KALRN: variants seen among roughly 807,000 people sequenced by gnomAD.
The protein encoded by KALRN is kalirin.
Under a neutral mutation model 353.7 loss-of-function variants are expected in KALRN, and 70 were observed. The observed-to-expected ratio is 0.20, with a 90% CI of 0.16 to 0.24. KALRN has a LOEUF of 0.24. Among genes scored for constraint, KALRN ranks in the 10% least tolerant of loss-of-function variants. The pLI is 1.00. For synonymous variants in KALRN, 1,391 were observed against 1,434.8 expected, an observed-to-expected ratio of 0.97 and a Z score of 0.69; for missense variants, 2,791 against 3,756.7, an observed-to-expected ratio of 0.74 and a Z score of 6.72.
At chr3:124,655,070 T>C (rs576807623) in intron 38 of KALRN, among the ~76,000 whole-genome samples, 196 of 152,350 alleles carry the variant, frequency 1.3e-3, no homozygotes, top group Middle Eastern at 6.8e-3. Flanking sequence ...CCTATCTGAA[T>C]AATTGCAGCT....
intron 34 of KALRN, among the ~76,000 whole-genome samples, chr3:124,576,548 G>T (rs1389233114): frequency 6.6e-6 from 1 of 152,144 alleles, no homozygotes; most frequent in African/African-American, 2.4e-5. Flanking sequence ...GGGGACGTAT[G>T]GGTTAAGTAC....
intron 40 of KALRN, 36 bp from the exon 41 acceptor site, chr3:124,657,698 T>C (rs1204853311): frequency 2.0e-6 from 3 of 1,506,716 alleles, no homozygotes; most frequent in African/African-American, 1.4e-5. Context: ...TTCTGAATAA[T>C]GTGGCTTCCT....
At chr3:124,075,160 A>G (rs2060202292) in intron 1 of KALRN, among the ~76,000 whole-genome samples, 1 of 152,166 alleles carries the variant, frequency 6.6e-6, no homozygotes, top group East Asian at 1.9e-4. Context: ...ATATGAATGG[A>G]GGCTACATGG....
Position 124,330,244 on chromosome 3 carries a change from TCTCACA to T in KALRN, c.1416+254_1416+259del, listed in dbSNP as rs1404944321. 5.7e-4 allele frequency among the ~76,000 whole-genome samples: 55 copies of T among 96,250 alleles called. 1 individual carries two copies. The highest frequency in any genetic ancestry group is 4.1e-3 in the Admixed American group (36 of 8,744). The allele number at this position is 96,250 out of a possible 152,430, so 63.1% of individuals were successfully genotyped here. A position where few individuals can be genotyped will look rare whatever the true frequency, so the allele number is the denominator to read the frequency against. On this transcript the variant is annotated intron_variant, in intron 8 of 59. Transcript: ENST00000682506. ...CTCGCATTCATTCTCTCTCTCTCTC[TCTCACA>T]CACACACACACACACACACACACAC...
chr3:124,287,496 C>G (rs1261405704), intron 5 of KALRN, among the ~76,000 whole-genome samples: 3 of 151,412 alleles, frequency 2.0e-5, no homozygotes, highest in Admixed American at 1.3e-4. Context: ...CTTCTCCGCT[C>G]CACAGTTAGG....
chr3:124,702,548 C>T (rs960874435), intron 57 of KALRN, among the ~76,000 whole-genome samples: 3 of 152,026 alleles, frequency 2.0e-5, no homozygotes, highest in Non-Finnish European at 4.4e-5. Flanking sequence ...TTACTGATTT[C>T]TAACTTAATT....
intron 1 of KALRN, among the ~76,000 whole-genome samples, chr3:124,079,504 G>T (rs1443634815): frequency 1.3e-5 from 2 of 152,042 alleles, no homozygotes; most frequent in African/African-American, 4.8e-5. Context: ...CTAACATTTA[G>T]GACCCAGAGC....
At chr3:124,348,784 C>G (rs564772441) in intron 10 of KALRN, among the ~76,000 whole-genome samples, 14 of 152,120 alleles carry the variant, frequency 9.2e-5, no homozygotes, top group Non-Finnish European at 2.1e-4. Flanking sequence ...GTGATGTGAT[C>G]GTGACTCACT....
intron 8 of KALRN, among the ~76,000 whole-genome samples, chr3:124,332,623 C>T (rs968902882): frequency 1.3e-5 from 2 of 151,944 alleles, no homozygotes; most frequent in Non-Finnish European, 2.9e-5. Context: ...TATTGATGCC[C>T]GTGATTGTGC....
At chr3:124,138,257 C>T (rs2066177341) in intron 1 of KALRN, among the ~76,000 whole-genome samples, 1 of 152,162 alleles carries the variant, frequency 6.6e-6, no homozygotes, top group Non-Finnish European at 1.5e-5. Context: ...CACCATTAGA[C>T]ATCAATTTAG....
intron 33 of KALRN, among the ~76,000 whole-genome samples, chr3:124,517,457 G>GTT (rs1490031864): frequency 1.3e-5 from 2 of 152,212 alleles, no homozygotes; most frequent in African/African-American, 4.8e-5. Context: ...ATGTGAGACT[G>GTT]TGAGATTATA....
chr3:124,541,230 A>G (rs1011368260), intron 33 of KALRN, among the ~76,000 whole-genome samples: 4 of 151,722 alleles, frequency 2.6e-5, no homozygotes, highest in Non-Finnish European at 4.4e-5. Context: ...CAGGTGGATC[A>G]CTTGAGGTCA....
intron 10 of KALRN, among the ~76,000 whole-genome samples, chr3:124,371,044 A>G (rs2085766144): frequency 2.6e-5 from 4 of 152,204 alleles, no homozygotes; most frequent in South Asian, 2.1e-4. Flanking sequence ...TAATTTCACC[A>G]TTCTTCCACC....
At position 124,491,036 on chromosome 3, in the gene KALRN, C is replaced by T. The variant is rs934978091; in HGVS notation, c.4587+152C>T. On this transcript the variant is annotated intron_variant, in intron 30 of 59. Transcript: ENST00000682506. ...AAAATGTCTCCTATTTGGAAAGCACCCCACTCACCTCCCACGTCTGCATTG... is the reference window on the plus strand; with the variant it reads ...AAAATGTCTCCTATTTGGAAAGCACTCCACTCACCTCCCACGTCTGCATTG... The T allele has an allele frequency of 1.3e-5, 9 of 700,834 alleles. No homozygotes were observed. In the East Asian group the frequency reaches 1.9e-4, roughly 15 times the overall value. The allele number at this position is 700,834 out of a possible 1,614,324, so 43.4% of individuals were successfully genotyped here. A position where few individuals can be genotyped will look rare whatever the true frequency, so the allele number is the denominator to read the frequency against.
chr3:124,678,173 A>T lies in KALRN; in HGVS notation c.7194-17A>T, dbSNP rs368344979. The T allele has an allele frequency of 1.2e-5, 20 of 1,612,310 alleles. No homozygotes were observed. Among genetic ancestry groups the T allele is most frequent in the Non-Finnish European group, 1.7e-5 (20 of 1,179,172 alleles). On this transcript the variant is annotated splice_polypyrimidine_tract_variant and intron_variant, in intron 49 of 59. Coordinates refer to ENST00000682506, the MANE Select transcript of KALRN (RefSeq NM_001388419.1). ...CCTGACCTGCCATTTTGATTGGTGCATTTTTTGGTACAACAGGAAGTCATG... is the reference window on the plus strand; with the variant it reads ...CCTGACCTGCCATTTTGATTGGTGCTTTTTTTGGTACAACAGGAAGTCATG...
At chr3:124,286,082 C>CCTTCCTTCCTTCCTTCCTTTCTTT (rs1553893895) in intron 5 of KALRN, among the ~76,000 whole-genome samples, 3 of 102,154 alleles carry the variant, frequency 2.9e-5, no homozygotes, top group African/African-American at 1.1e-4. Context: ...TTCTTTCCTT[C>CCTTCCTTCCTTCCTTCCTTTCTTT]CTTTCTTTCT....
chr3:124,208,799 T>C (rs185007703), intron 1 of KALRN, among the ~76,000 whole-genome samples: 1 of 152,102 alleles, frequency 6.6e-6, no homozygotes, highest in East Asian at 1.9e-4. Context: ...GTCCCATCTC[T>C]ATAAAAAATT....
Position 124,674,570 on chromosome 3 carries a change from C to A in KALRN, c.7149C>A (p.Pro2383=). The stretch of plus-strand genomic sequence containing the variant: ...GGGTCCCAGGCAGCATCCTGGCGCC[C>A]CTCACCAAAGCCACAGCAGCAGAAA... ...EGWVPGSILA[P]LTKATAAESS... Residue 2383 remains proline, a synonymous_variant, in exon 49 of 60, where the codon CCC becomes CCA. Coordinates refer to ENST00000682506, the MANE Select transcript of KALRN (RefSeq NM_001388419.1). 2 of 1,608,530 alleles carry A rather than the reference C, an allele frequency of 1.2e-6. No individual in the cohort carries two copies. The highest frequency in any genetic ancestry group is 2.2e-5 in the South Asian group (2 of 90,120).
At chr3:124,034,252 C>T (rs1452483284) in intron 1 of KALRN, among the ~76,000 whole-genome samples, 1 of 152,162 alleles carries the variant, frequency 6.6e-6, no homozygotes, top group Non-Finnish European at 1.5e-5. Context: ...CCGTCGGGGG[C>T]CCGGGGCCCT....
Sources: allele counts gnomAD v4.1 joint callset (sites outside exome capture counted in the v4.1 genomes callset), GRCh38; gene constraint gnomAD v4.1.1; transcripts MANE v1.5; gene names NCBI Gene and HGNC (gene_info 2026-07-23, HGNC 2026-07-21).